The following GALNT17 variants were observed in gnomAD, a reference collection of about 807,000 sequenced individuals.
GALNT17 encodes the protein UDP-GalNAc:polypeptide N-acetylgalactosaminyltransferase-like 3.
Under a neutral mutation model 63.7 loss-of-function variants are expected in GALNT17, and 29 were observed. The observed-to-expected ratio is 0.46, with a 90% CI of 0.34 to 0.62. The LOEUF (loss-of-function observed/expected upper bound fraction) is 0.62, where lower values mean the gene tolerates loss of function less well. Among genes scored for constraint, GALNT17 ranks in the 20% least tolerant of loss-of-function variants. The pLI is 0.01. For synonymous variants in GALNT17, 305 were observed against 318.3 expected (o/e 0.96, Z 0.45); for missense variants, 603 against 799.6 (o/e 0.75, Z 2.97).
At chr7:71,202,358 A>G (rs1451842706) in intron 1 of GALNT17, among the ~76,000 whole-genome samples, 1 of 152,196 alleles carries the variant, frequency 6.6e-6, no homozygotes, top group Non-Finnish European at 1.5e-5. Context: ...AGTTTTTTCA[A>G]GTGTACACAT....
intron 1 of GALNT17, among the ~76,000 whole-genome samples, chr7:71,142,287 A>G (rs918286422): frequency 1.3e-5 from 2 of 152,122 alleles, no homozygotes; most frequent in African/African-American, 4.8e-5. Flanking sequence ...CCTTTTCCTT[A>G]TAACTTTCTT....
intron 1 of GALNT17, among the ~76,000 whole-genome samples, chr7:71,321,923 C>CTTTCTT (rs1455017909): frequency 0.012 from 569 of 47,106 alleles, 13 homozygotes; most frequent in East Asian, 0.024. Flanking sequence ...TCCTTCCTTC[C>CTTTCTT]CCTCCCTCCC....
intron 1 of GALNT17, among the ~76,000 whole-genome samples, chr7:71,270,538 C>CAAAAAAAA (rs573250852): frequency 2.2e-5 from 2 of 89,206 alleles, no homozygotes; most frequent in African/African-American, 4.6e-5. Context: ...CCCACCCCAC[C>CAAAAAAAA]AAAAAAAAAA....
chr7:71,240,698 G>A (rs535209076), intron 1 of GALNT17, among the ~76,000 whole-genome samples: 77 of 146,908 alleles, frequency 5.2e-4, no homozygotes, highest in Non-Finnish European at 1.0e-3. Context: ...ATGGAGTCTC[G>A]CTGTCGCCCA....
intron 1 of GALNT17, among the ~76,000 whole-genome samples, chr7:71,205,466 T>G (rs1789255386): frequency 6.6e-6 from 1 of 152,116 alleles, no homozygotes; most frequent in Non-Finnish European, 1.5e-5. Flanking sequence ...TTTACTTTTT[T>G]CAAGAGACAG....
intron 8 of GALNT17, among the ~76,000 whole-genome samples, chr7:71,675,052 C>T (rs1288342940): frequency 3.9e-5 from 6 of 152,052 alleles, no homozygotes; most frequent in South Asian, 2.1e-4. Flanking sequence ...GGTGTGGTGG[C>T]GCGTGCCTGT....
chr7:71,422,040 A>G (rs1786675629), intron 5 of GALNT17, among the ~76,000 whole-genome samples: 1 of 152,008 alleles, frequency 6.6e-6, no homozygotes, highest in Non-Finnish European at 1.5e-5. Context: ...ACAAGTTACT[A>G]TGAAAATAAT....
intron 1 of GALNT17, among the ~76,000 whole-genome samples, chr7:71,266,204 T>TC (rs11359143): frequency 4.6e-5 from 7 of 151,748 alleles, no homozygotes; most frequent in African/African-American, 1.7e-4. Flanking sequence ...TCCGGCATAG[T>TC]CCCCCCCATC....
intron 5 of GALNT17, among the ~76,000 whole-genome samples, chr7:71,482,741 C>T (rs763220985): frequency 2.0e-5 from 3 of 151,952 alleles, no homozygotes; most frequent in African/African-American, 4.8e-5. Context: ...CACTAGGGGC[C>T]GGTTTTGTGA....
chr7:71,304,135 T>C (rs1478200330), intron 1 of GALNT17, among the ~76,000 whole-genome samples: 1 of 152,180 alleles, frequency 6.6e-6, no homozygotes, highest in East Asian at 1.9e-4. Context: ...TTTCTGCAAT[T>C]AGGGGAACCA....
chr7:71,275,611 CT>C (rs1790669081), intron 1 of GALNT17, among the ~76,000 whole-genome samples: 1 of 152,194 alleles, frequency 6.6e-6, no homozygotes. Flanking sequence ...TGTAAAGGCT[CT>C]ATCTACGGCA....
chr7:71,455,824 C>G, intron 5 of GALNT17, among the ~76,000 whole-genome samples: 1 of 152,134 alleles, frequency 6.6e-6, no homozygotes, highest in Non-Finnish European at 1.5e-5. Flanking sequence ...CTTTTGAAAC[C>G]AAGTAGAGCT....
intron 1 of GALNT17, among the ~76,000 whole-genome samples, chr7:71,269,167 C>T (rs1007481766): frequency 2.0e-5 from 3 of 152,110 alleles, no homozygotes; most frequent in Non-Finnish European, 4.4e-5. Flanking sequence ...ACCAGGCAAG[C>T]GTTTAAGCCT....
intron 1 of GALNT17, among the ~76,000 whole-genome samples, chr7:71,216,573 C>T (rs1173366049): frequency 1.5e-5 from 2 of 131,250 alleles, no homozygotes; most frequent in African/African-American, 5.1e-5. Flanking sequence ...CATATACACA[C>T]ACACAAATAC....
intron 1 of GALNT17, among the ~76,000 whole-genome samples, chr7:71,149,134 G>A (rs1046163469): frequency 2.0e-5 from 3 of 151,730 alleles, no homozygotes; most frequent in African/African-American, 4.8e-5. Context: ...TGCCCGGGAC[G>A]CTCTCAAACT....
chr7:71,477,414 T>C (rs1311515565), intron 5 of GALNT17, among the ~76,000 whole-genome samples: 1 of 152,200 alleles, frequency 6.6e-6, no homozygotes, highest in Non-Finnish European at 1.5e-5. Flanking sequence ...AAGACCAAGG[T>C]GTCACTGATC....
intron 1 of GALNT17, among the ~76,000 whole-genome samples, chr7:71,166,039 C>G (rs1299679042): frequency 6.6e-6 from 1 of 151,658 alleles, no homozygotes; most frequent in African/African-American, 2.4e-5. Flanking sequence ...CATAAGTATT[C>G]AGAAAGGTGC....
At chr7:71,477,537 A>G (rs912429536) in intron 5 of GALNT17, among the ~76,000 whole-genome samples, 2 of 152,162 alleles carry the variant, frequency 1.3e-5, no homozygotes, top group Non-Finnish European at 2.9e-5. Flanking sequence ...AGCAAATATC[A>G]TGGAGGGCAG....
chr7:71,491,931 G>A (rs1046719369), intron 5 of GALNT17, among the ~76,000 whole-genome samples: 1 of 152,000 alleles, frequency 6.6e-6, no homozygotes, highest in Non-Finnish European at 1.5e-5. Context: ...CAAGGTGGGA[G>A]GATCGCTTGA....
Sources: gnomAD v4.1 joint callset for allele counts (sites outside exome capture counted in the v4.1 genomes callset) on GRCh38, gnomAD v4.1.1 for gene constraint, MANE v1.5 for transcripts, NCBI Gene and HGNC (gene_info 2026-07-23, HGNC 2026-07-21) for gene names.